NRG1: variants seen among roughly 807,000 people sequenced by gnomAD.
NRG1 encodes the protein neuregulin 1.
Under a neutral mutation model 63.8 loss-of-function variants are expected in NRG1, and 18 were observed. The ratio of observed to expected loss-of-function variants is 0.28; its 90% CI spans 0.19 to 0.42. The LOEUF is 0.42. Among genes scored for constraint, NRG1 ranks in the 10% least tolerant of loss-of-function variants. The pLI is 1.00. For missense variants in NRG1, 762 were observed against 814.7 expected, an observed-to-expected ratio of 0.94 and a Z score of 0.79; for synonymous variants, 302 against 301.3, an observed-to-expected ratio of 1.00 and a Z score of -0.02.
At chr8:31,998,042 C>A (rs1812303203) in intron 1 of NRG1, among the ~76,000 whole-genome samples, 1 of 151,900 alleles carries the variant, frequency 6.6e-6, no homozygotes, top group Non-Finnish European at 1.5e-5. Flanking sequence ...TTATAAATGA[C>A]TTTTCTCATG....
At chr8:32,010,512 A>G (rs753711935) in intron 1 of NRG1, among the ~76,000 whole-genome samples, 10 of 152,092 alleles carry the variant, frequency 6.6e-5, no homozygotes, top group Non-Finnish European at 1.5e-4. Flanking sequence ...AGTGGAACAC[A>G]TACTTGGTAC....
In NRG1 at chr8:32,322,664, A is replaced by G. The variant is rs575504880; in HGVS notation, c.38-273164A>G. Among the ~76,000 whole-genome samples the G allele has an allele frequency of 8.1e-4, 123 of 152,028 alleles. 1 individual carries two copies. The Middle Eastern group carries it at 0.014, about 17-fold the overall frequency. ...GCCTGTCCTGCAGGCTCTTGTGGTG[A>G]TCATTATAAAAGCCAGCCCTGGGGT... On this transcript the variant is annotated intron_variant, in intron 1 of 10. Transcript: ENST00000519301.
At chr8:31,911,407 A>G (rs1832934027) in intron 1 of NRG1, among the ~76,000 whole-genome samples, 1 of 152,214 alleles carries the variant, frequency 6.6e-6, no homozygotes, top group African/African-American at 2.4e-5. Flanking sequence ...TGCAGCTGTA[A>G]AAAAGAACAG....
intron 1 of NRG1, among the ~76,000 whole-genome samples, chr8:32,493,570 A>C (rs1281266116): frequency 6.6e-6 from 1 of 152,236 alleles, no homozygotes; most frequent in African/African-American, 2.4e-5. Context: ...ATACAATGAC[A>C]TTCTTATAAT....
At chr8:32,206,238 C>T (rs1348548475) in intron 1 of NRG1, among the ~76,000 whole-genome samples, 1 of 152,088 alleles carries the variant, frequency 6.6e-6, no homozygotes, top group Non-Finnish European at 1.5e-5. Flanking sequence ...CATCTAACTC[C>T]CACACCATCT....
intron 5 of NRG1, among the ~76,000 whole-genome samples, chr8:32,714,387 G>T (rs777816941): frequency 2.2e-4 from 34 of 152,176 alleles, no homozygotes; most frequent in Non-Finnish European, 4.4e-4. Context: ...GAATGATGAT[G>T]TGTTTTAATA....
chr8:32,369,692 A>G (rs1184806350), intron 1 of NRG1, among the ~76,000 whole-genome samples: 3 of 152,168 alleles, frequency 2.0e-5, no homozygotes, highest in African/African-American at 4.8e-5. Context: ...TCAAATTTCA[A>G]TGTAACTTTT....
intron 5 of NRG1, among the ~76,000 whole-genome samples, chr8:32,643,171 C>T (rs931431294): frequency 2.6e-5 from 4 of 152,178 alleles, no homozygotes; most frequent in Non-Finnish European, 1.5e-5. Flanking sequence ...TCCAGGTTGG[C>T]ATACTAGCAT....
intron 1 of NRG1, among the ~76,000 whole-genome samples, chr8:31,683,042 T>C (rs1808499411): frequency 6.6e-6 from 1 of 152,160 alleles, no homozygotes; most frequent in African/African-American, 2.4e-5. Context: ...TGTATTCTTA[T>C]TAACTAACCC....
At chr8:31,664,311 G>T (rs1367032052) in intron 1 of NRG1, among the ~76,000 whole-genome samples, 1 of 152,158 alleles carries the variant, frequency 6.6e-6, no homozygotes, top group Non-Finnish European at 1.5e-5. Flanking sequence ...TTGAAGACAG[G>T]ATGATTTAAA....
chr8:31,769,784 G>A (rs1359278388), intron 1 of NRG1, among the ~76,000 whole-genome samples: 2 of 152,136 alleles, frequency 1.3e-5, no homozygotes, highest in Non-Finnish European at 2.9e-5. Context: ...CAACCAAGTT[G>A]TATGGATCTT....
At chr8:32,508,332 C>A (rs1828783713) in intron 1 of NRG1, among the ~76,000 whole-genome samples, 1 of 151,972 alleles carries the variant, frequency 6.6e-6, no homozygotes, top group South Asian at 2.1e-4. Context: ...ACACTGTCGC[C>A]CGGGCTGGAG....
chr8:31,870,516 G>A (rs1368397454), intron 1 of NRG1, among the ~76,000 whole-genome samples: 1 of 151,944 alleles, frequency 6.6e-6, no homozygotes, highest in Non-Finnish European at 1.5e-5. Context: ...TGAAATGAGT[G>A]GAAGAATACC....
At chr8:32,474,479 C>CTCG (rs1554552886) in intron 1 of NRG1, among the ~76,000 whole-genome samples, 1 of 149,846 alleles carries the variant, frequency 6.7e-6, no homozygotes, top group Non-Finnish European at 1.5e-5. Flanking sequence ...CCTTGGACTG[C>CTCG]TCTCAGTGAT....
chr8:31,775,476 A>G (rs2131589485), intron 1 of NRG1, among the ~76,000 whole-genome samples: 1 of 152,326 alleles, frequency 6.6e-6, no homozygotes, highest in East Asian at 1.9e-4. Flanking sequence ...TTGAAAAATT[A>G]CATAGTATGT....
At chr8:32,663,739 C>G (rs1266813009) in intron 5 of NRG1, among the ~76,000 whole-genome samples, 1 of 152,082 alleles carries the variant, frequency 6.6e-6, no homozygotes, top group East Asian at 1.9e-4. Context: ...TTCTCATATT[C>G]TAGTACTCTA....
chr8:31,723,290 G>A (rs767774215), intron 1 of NRG1, among the ~76,000 whole-genome samples: 2 of 152,118 alleles, frequency 1.3e-5, no homozygotes, highest in Non-Finnish European at 2.9e-5. Context: ...AGGTAAAGAG[G>A]ACAGAGGACA....
At chr8:32,728,650 G>T (rs532488603) in intron 6 of NRG1, 1 of 984,842 alleles carries the variant, frequency 1.0e-6, no homozygotes, top group East Asian at 1.1e-4. Flanking sequence ...GCATATATTT[G>T]GAAATACATT....
intron 1 of NRG1, among the ~76,000 whole-genome samples, chr8:32,157,257 C>T (rs1377452535): frequency 2.1e-5 from 3 of 143,836 alleles, no homozygotes; most frequent in Non-Finnish European, 4.5e-5. Context: ...CCCAGCTACT[C>T]GGGAGGCTGA....
Sources: gnomAD v4.1 joint callset for allele counts (sites outside exome capture counted in the v4.1 genomes callset) on GRCh38, gnomAD v4.1.1 for gene constraint, MANE v1.5 for transcripts, NCBI Gene and HGNC (gene_info 2026-07-23, HGNC 2026-07-21) for gene names.